Variants in CHST11 observed in about 807,000 individuals in gnomAD.
CHST11 encodes C4S-1.
In CHST11, 9 loss-of-function variants were observed where a neutral mutation model predicts 30.4. The ratio of observed to expected loss-of-function variants is 0.30; its 90% confidence interval spans 0.18 to 0.52. CHST11 has a LOEUF of 0.52. CHST11 is among the 20% of genes least tolerant of loss of function. CHST11 has a pLI of 0.97. For synonymous variants in CHST11, 152 were observed against 187.8 expected, an observed-to-expected ratio of 0.81 and a Z score of 1.56; for missense variants, 348 against 460.6, an observed-to-expected ratio of 0.76 and a Z score of 2.24.
intron 1 of CHST11, among the ~76,000 whole-genome samples, chr12:104,480,007 C>T (rs1291227007): frequency 6.6e-6 from 1 of 152,146 alleles, no homozygotes; most frequent in Non-Finnish European, 1.5e-5. Context: ...GTCTTCATTC[C>T]GTGTGGTCAT....
intron 1 of CHST11, among the ~76,000 whole-genome samples, chr12:104,472,150 T>C (rs1375119532): frequency 6.6e-5 from 10 of 151,300 alleles, no homozygotes; most frequent in Admixed American, 6.6e-4. Flanking sequence ...TCTTTTTTTT[T>C]TTTTTGTAGA....
rs184014088 is a variant in CHST11 at position 104,526,665 on chromosome 12, C to T, written c.118+69136C>T. On this transcript the variant is annotated intron_variant, in intron 1 of 2. Transcript: ENST00000303694. ...AGAGTTGATTCTCAGGCCCTGGACT[C>T]GTGTTCTCAACCCACTGCAAGTCTT... Among the ~76,000 whole-genome samples the T allele has an allele frequency of 1.5e-3, 236 of 152,276 alleles. 1 individual carries two copies. Among genetic ancestry groups the T allele is most frequent in the African/African-American group, 5.3e-3 (222 of 41,556 alleles).
intron 1 of CHST11, chr12:104,551,968 C>G (rs1443694012): frequency 6.6e-6 from 1 of 152,284 alleles, no homozygotes; most frequent in Non-Finnish European, 1.5e-5. Flanking sequence ...GAACTGGAAA[C>G]TTGATCTGCA....
intron 1 of CHST11, among the ~76,000 whole-genome samples, chr12:104,530,153 T>G (rs896553865): frequency 6.6e-6 from 1 of 152,264 alleles, no homozygotes; most frequent in Non-Finnish European, 1.5e-5. Context: ...AGTGAGACTC[T>G]GTCTCAAAGC....
At chr12:104,700,548 T>TCTGTAAA (rs2039983528) in intron 2 of CHST11, among the ~76,000 whole-genome samples, 1 of 152,202 alleles carries the variant, frequency 6.6e-6, no homozygotes, top group African/African-American at 2.4e-5. Context: ...AGTTTCCTCA[T>TCTGTAAA]CTGTAAAATG....
intron 1 of CHST11, among the ~76,000 whole-genome samples, chr12:104,462,053 G>A (rs1333487220): frequency 1.3e-5 from 2 of 151,008 alleles, no homozygotes; most frequent in Admixed American, 1.3e-4. Context: ...TGTAATCCCA[G>A]CTACTTGGGA....
chr12:104,664,861 A>G (rs754832661), intron 2 of CHST11, among the ~76,000 whole-genome samples: 9 of 152,260 alleles, frequency 5.9e-5, no homozygotes, highest in Non-Finnish European at 1.2e-4. Context: ...ATGTAGGCCC[A>G]TTTATTAAAT....
Position 104,731,385 on chromosome 12 carries a change from C to T in CHST11, c.205-25564C>T, listed in dbSNP as rs531909906. The stretch of plus-strand genomic sequence containing the variant: ...TGTCATCCTCCTCCAGCCTGTGCAG[C>T]GAGGTGGCTGTCTATGCTGCTGAGA... On this transcript the variant is annotated intron_variant, in intron 2 of 2. Coordinates refer to ENST00000303694, the MANE Select transcript of CHST11 (RefSeq NM_018413.6). 7.2e-5 allele frequency among the ~76,000 whole-genome samples: 11 copies of T among 152,336 alleles called. No homozygotes were observed. In the South Asian group the frequency reaches 1.0e-3, roughly 14 times the overall value.
intron 2 of CHST11, among the ~76,000 whole-genome samples, chr12:104,683,764 G>A (rs1481693673): frequency 6.6e-6 from 1 of 152,184 alleles, no homozygotes; most frequent in Non-Finnish European, 1.5e-5. Flanking sequence ...CGGGCAGTGA[G>A]TAGATGCCAA....
chr12:104,626,713 C>A (rs2039218886), intron 2 of CHST11, among the ~76,000 whole-genome samples: 1 of 150,614 alleles, frequency 6.6e-6, no homozygotes, highest in East Asian at 1.9e-4. Context: ...TTTTTTAGAG[C>A]AGTTTTAGGT....
chr12:104,620,516 G>A (rs951326619), intron 2 of CHST11, among the ~76,000 whole-genome samples: 3 of 152,150 alleles, frequency 2.0e-5, no homozygotes, highest in East Asian at 1.9e-4. Flanking sequence ...CTGATTTAGC[G>A]CTGTTTTCAA....
chr12:104,546,641 AT>A (rs2038353727), intron 1 of CHST11, among the ~76,000 whole-genome samples: 2 of 152,184 alleles, frequency 1.3e-5, no homozygotes, highest in Non-Finnish European at 2.9e-5. Context: ...AGAAAGGGCC[AT>A]TGCAGCACCT....
chr12:104,627,984 A>G (rs192060023), intron 2 of CHST11, among the ~76,000 whole-genome samples: 213 of 152,348 alleles, frequency 1.4e-3, no homozygotes, highest in South Asian at 2.5e-3. Flanking sequence ...ACAGATGACA[A>G]TGCCAAGGCC....
chr12:104,470,846 G>A (rs1565953063), intron 1 of CHST11, among the ~76,000 whole-genome samples: 1 of 152,218 alleles, frequency 6.6e-6, no homozygotes, highest in South Asian at 2.1e-4. Context: ...CACCTCACTA[G>A]TATGCCCATC....
At chr12:104,662,961 C>T (rs181686865) in intron 2 of CHST11, among the ~76,000 whole-genome samples, 2 of 152,182 alleles carry the variant, frequency 1.3e-5, no homozygotes, top group African/African-American at 2.4e-5. Context: ...AATTGTGCCA[C>T]GGAGCCCACT....
At chr12:104,754,539 T>C (rs1566066415) in intron 2 of CHST11, among the ~76,000 whole-genome samples, 1 of 152,240 alleles carries the variant, frequency 6.6e-6, no homozygotes, top group Admixed American at 6.5e-5. Flanking sequence ...GGCTAGGAAC[T>C]GCAGGGCTTC....
chr12:104,520,921 C>T (rs77046947), intron 1 of CHST11, among the ~76,000 whole-genome samples: 12,387 of 152,172 alleles, frequency 0.081, 948 homozygotes, highest in African/African-American at 0.21. Context: ...CTTTGGAATA[C>T]GTGAGTCCGG....
chr12:104,728,820 T>C (rs1592862225), intron 2 of CHST11, among the ~76,000 whole-genome samples: 1 of 152,076 alleles, frequency 6.6e-6, no homozygotes, highest in Non-Finnish European at 1.5e-5. Context: ...AAGAAGCCAC[T>C]GAGAAAGGCA....
At chr12:104,623,751 A>G (rs1284799615) in intron 2 of CHST11, among the ~76,000 whole-genome samples, 2 of 152,018 alleles carry the variant, frequency 1.3e-5, no homozygotes, top group African/African-American at 2.4e-5. Context: ...CCCTTGGTGT[A>G]AAATACTGGG....
Sources: gnomAD v4.1 joint callset for allele counts (sites outside exome capture counted in the v4.1 genomes callset) on GRCh38, gnomAD v4.1.1 for gene constraint, MANE v1.5 for transcripts, NCBI Gene and HGNC (gene_info 2026-07-23, HGNC 2026-07-21) for gene names.